The following AKAP9 variants were observed in gnomAD, a reference collection of about 807,000 sequenced individuals.
The protein encoded by AKAP9 is A-kinase anchoring protein 9.
AKAP9 carries 311 observed loss-of-function variants against 488.5 expected under a neutral mutation model. The ratio of observed to expected loss-of-function variants is 0.64; its 90% CI spans 0.58 to 0.70. AKAP9 has a LOEUF of 0.70. Among genes scored for constraint, AKAP9 ranks in the 30% least tolerant of loss-of-function variants. AKAP9 has a pLI of 0.00. For missense variants in AKAP9, 4,215 were observed against 4,374.5 expected, an observed-to-expected ratio of 0.96 and a Z score of 1.03; for synonymous variants, 1,462 against 1,483.5, an observed-to-expected ratio of 0.99 and a Z score of 0.33.
intron 1 of AKAP9, among the ~76,000 whole-genome samples, chr7:91,943,973 T>C (rs1177714491): frequency 2.0e-5 from 3 of 152,210 alleles, no homozygotes; most frequent in Admixed American, 2.0e-4. Context: ...GGGGGTAATT[T>C]ATTGATAAAC....
intron 1 of AKAP9, among the ~76,000 whole-genome samples, chr7:91,956,559 A>G (rs556767683): frequency 1.9e-4 from 29 of 152,266 alleles, no homozygotes; most frequent in Admixed American, 4.6e-4. Context: ...GGTGCTTTCT[A>G]TTAGACTGAT....
chr7:92,070,808 A>C, intron 27 of AKAP9, 97 bp from the exon 28 acceptor site: 2 of 464,512 alleles, frequency 4.3e-6, no homozygotes, highest in Non-Finnish European at 3.5e-6. Context: ...CTGCTTCTCA[A>C]AAAAAAAAAA....
chr7:92,044,745 A>C (rs562971795), intron 20 of AKAP9, among the ~76,000 whole-genome samples: 1 of 152,338 alleles, frequency 6.6e-6, no homozygotes, highest in Non-Finnish European at 1.5e-5. Flanking sequence ...TTTCAAGTCA[A>C]TTAAATACCG....
chr7:91,969,178 C>A (rs973792970), intron 1 of AKAP9, among the ~76,000 whole-genome samples: 1 of 152,116 alleles, frequency 6.6e-6, no homozygotes, highest in African/African-American at 2.4e-5. Flanking sequence ...ACATGAGCCA[C>A]CATGCCCAGC....
chr7:92,021,714 C>T (rs1023646948), intron 12 of AKAP9, among the ~76,000 whole-genome samples: 1 of 152,178 alleles, frequency 6.6e-6, no homozygotes, highest in Admixed American at 6.5e-5. Context: ...GCTAGGATTA[C>T]AGGCTTGCTG....
Position 92,012,973 on chromosome 7 carries a change from A to ATTTTTTTTTTT in AKAP9, c.3532+357_3532+367dup, listed in dbSNP as rs749688986. Reference sequence around the variant, plus strand: ...GGTGGTAGACAGTGGTGGGGTTGGAATTTTTTTTTTTTTTTTTTTTTTTTT... The same window carrying ATTTTTTTTTTT: ...GGTGGTAGACAGTGGTGGGGTTGGAATTTTTTTTTTTTTTTTTTTTTTTTTTTTTTTTTTTT... On this transcript the variant is annotated intron_variant, in intron 9 of 49. Transcript: ENST00000356239. Among the ~76,000 whole-genome samples the ATTTTTTTTTTT allele has an allele frequency of 3.6e-4, 22 of 60,752 alleles. 3 individuals carry two copies. Among genetic ancestry groups the ATTTTTTTTTTT allele is most frequent in the African/African-American group, 1.4e-3 (18 of 13,038 alleles). The allele number at this position is 60,752 out of a possible 152,430, so 39.9% of individuals were successfully genotyped here.
intron 1 of AKAP9, among the ~76,000 whole-genome samples, chr7:91,957,225 G>T (rs1793128950): frequency 6.6e-6 from 1 of 152,034 alleles, no homozygotes; most frequent in Non-Finnish European, 1.5e-5. Flanking sequence ...ATTGAAACAG[G>T]ATCTCATTAT....
At chr7:91,966,409 T>C (rs934536824) in intron 1 of AKAP9, among the ~76,000 whole-genome samples, 5 of 152,252 alleles carry the variant, frequency 3.3e-5, no homozygotes, top group Admixed American at 2.6e-4. Flanking sequence ...CTTCTACATA[T>C]GGTTATCCAG....
At chr7:92,006,576 A>G (rs1799896726) in intron 8 of AKAP9, among the ~76,000 whole-genome samples, 1 of 152,220 alleles carries the variant, frequency 6.6e-6, no homozygotes, top group Non-Finnish European at 1.5e-5. Context: ...ATCATTACCA[A>G]GACAAACCTT....
In AKAP9 at chr7:92,065,416, A is replaced by C. The variant is rs763197828; in HGVS notation, c.6163A>C (p.Asn2055His). 1.2e-6 allele frequency: 2 copies of C among 1,612,980 alleles called. No homozygotes were observed. The highest frequency in any genetic ancestry group is 3.3e-5 in the Admixed American group (2 of 59,956). ...TGAACTAATGGATTTAAGACAGCAA[A>C]ACCAAGCATTGGAAAAGCAGTTAGA... is the stretch of plus-strand genomic sequence containing the variant. ...NTELMDLRQQ[N>H]QALEKQLEKM... Residue 2055 changes from asparagine (N) to histidine (H), a missense_variant, in exon 25 of 50, where the codon AAC becomes CAC. Physicochemically the swap from Asn to His is moderately conservative, Grantham distance 68. Coordinates refer to ENST00000356239, the MANE Select transcript of AKAP9 (RefSeq NM_005751.5).
intron 18 of AKAP9, 96 bp downstream of exon 18, chr7:92,040,994 T>C: frequency 1.8e-6 from 2 of 1,105,994 alleles, no homozygotes; most frequent in Non-Finnish European, 1.3e-6. Flanking sequence ...GTATTTTTTA[T>C]GTAGCCATAA....
chr7:92,063,764 A>T (rs1810299714), intron 24 of AKAP9, among the ~76,000 whole-genome samples: 1 of 151,874 alleles, frequency 6.6e-6, no homozygotes, highest in Non-Finnish European at 1.5e-5. Context: ...AACCATTTTG[A>T]TTTTTGTTTG....
intron 38 of AKAP9, chr7:92,092,368 C>T (rs1488471513): frequency 2.0e-5 from 3 of 152,176 alleles, no homozygotes; most frequent in Non-Finnish European, 4.4e-5. Context: ...GGGTGCTGAA[C>T]AAAAGATATC....
intron 39 of AKAP9, 104 bp from the exon 40 acceptor site, chr7:92,094,919 G>A: frequency 1.0e-6 from 1 of 962,522 alleles, no homozygotes; most frequent in South Asian, 1.4e-5. Flanking sequence ...CTCTTAGCTA[G>A]TTTATTATAT....
intron 22 of AKAP9, among the ~76,000 whole-genome samples, chr7:92,054,176 T>A (rs1808403698): frequency 6.6e-6 from 1 of 152,170 alleles, no homozygotes; most frequent in East Asian, 1.9e-4. Flanking sequence ...ATTGATTTCT[T>A]CAGAATAGTC....
intron 38 of AKAP9, among the ~76,000 whole-genome samples, chr7:92,091,333 A>G (rs1050985907): frequency 1.3e-5 from 2 of 152,108 alleles, no homozygotes; most frequent in Non-Finnish European, 2.9e-5. Context: ...CACGCCTGTA[A>G]TCCCAGCACT....
At chr7:92,026,424 C>T (rs996617559) in intron 14 of AKAP9, among the ~76,000 whole-genome samples, 2 of 152,100 alleles carry the variant, frequency 1.3e-5, no homozygotes, top group East Asian at 1.9e-4. Flanking sequence ...AACCTCCCTG[C>T]CTCGGGCTCC....
At chr7:92,092,869 A>C in intron 38 of AKAP9, 1 of 456,536 alleles carries the variant, frequency 2.2e-6, no homozygotes, top group Non-Finnish European at 4.0e-6. Context: ...CTGGTCTTGA[A>C]CTCCTGGCCT....
At chr7:91,984,230 C>T (rs1362601184) in intron 3 of AKAP9, among the ~76,000 whole-genome samples, 1 of 152,096 alleles carries the variant, frequency 6.6e-6, no homozygotes, top group Non-Finnish European at 1.5e-5. Context: ...AGGTTATTGC[C>T]TAGGTTTTCT....
Sources: gnomAD v4.1 joint callset for allele counts (sites outside exome capture counted in the v4.1 genomes callset) on GRCh38, gnomAD v4.1.1 for gene constraint, MANE v1.5 for transcripts, NCBI Gene and HGNC (gene_info 2026-07-23, HGNC 2026-07-21) for gene names.